CHD9: variants seen among roughly 807,000 people sequenced by gnomAD.
The protein encoded by CHD9 is ATP-dependent chromatin remodeler CHD9.
CHD9 carries 77 observed loss-of-function variants against 316.1 expected under a neutral mutation model. That is an observed-to-expected ratio of 0.24 (90% confidence interval 0.20 to 0.29). The LOEUF is 0.29. Ranked by LOEUF, CHD9 falls within the 10% of genes least tolerant of loss-of-function variation. The probability of loss-of-function intolerance (pLI) is 1.00; values close to 1 mark genes in which losing one functional copy is unlikely to be tolerated. For synonymous variants in CHD9, 1,129 were observed against 1,158.3 expected, an observed-to-expected ratio of 0.97 and a Z score of 0.51; for missense variants, 2,763 against 3,438.1, an observed-to-expected ratio of 0.80 and a Z score of 4.91.
chr16:53,198,931 TAA>T (rs1183570508), intron 2 of CHD9, among the ~76,000 whole-genome samples: 3 of 152,300 alleles, frequency 2.0e-5, no homozygotes, highest in South Asian at 2.1e-4. Context: ...CATTATTTTA[TAA>T]GTCTTATAAA....
At chr16:53,109,706 A>ATTTT (rs2037697137) in intron 1 of CHD9, among the ~76,000 whole-genome samples, 1 of 22,228 alleles carries the variant, frequency 4.5e-5, no homozygotes, top group Non-Finnish European at 9.7e-5. Flanking sequence ...TTTTTTTGAG[A>ATTTT]TGGAGTCTCG....
chr16:53,131,154 G>A (rs1341351753), intron 1 of CHD9: 1 of 151,242 alleles, frequency 6.6e-6, no homozygotes, highest in Non-Finnish European at 1.5e-5. Context: ...CTCAACTGGT[G>A]GGGAGATGCG....
intron 16 of CHD9, among the ~76,000 whole-genome samples, chr16:53,248,634 T>C (rs920825720): frequency 4.1e-5 from 6 of 147,398 alleles, no homozygotes; most frequent in East Asian, 2.2e-4. Context: ...CAAGCAATCC[T>C]CCCACCTCAG....
chr16:53,268,105 C>T lies in CHD9; in HGVS notation c.4696C>T (p.Arg1566Ter), dbSNP rs1403065375. 2 of 1,609,204 alleles carry T rather than the reference C, an allele frequency of 1.2e-6. No individual in the cohort carries two copies. The highest frequency in any genetic ancestry group is 8.5e-7 in the Non-Finnish European group (1 of 1,177,310). The change falls in exon 22 of 39, where the codon CGA (arginine) becomes TGA (stop). Residue 1566 changes from arginine (R) to a stop codon, truncating the protein, a stop_gained. Coordinates refer to ENST00000447540, the MANE Select transcript of CHD9 (RefSeq NM_001308319.2). LOFTEE classifies it high-confidence loss of function. ...LITPTEDGQT[R>*]ELQNHLGLSA... ...TACTCCAACTGAAGATGGACAGACA[C>T]GAGAGCTACAGAATCATCTAGGTAA...
At chr16:53,144,257 A>G (rs1485573398) in intron 1 of CHD9, among the ~76,000 whole-genome samples, 1 of 152,180 alleles carries the variant, frequency 6.6e-6, no homozygotes, top group Non-Finnish European at 1.5e-5. Context: ...ATATGAATAT[A>G]GAAAATAACC....
At chr16:53,234,486 G>C (rs549078755) in intron 10 of CHD9, among the ~76,000 whole-genome samples, 108 of 152,262 alleles carry the variant, frequency 7.1e-4, no homozygotes, top group African/African-American at 2.5e-3. Context: ...TACTATAACA[G>C]TTTAAGGAAG....
intron 22 of CHD9, among the ~76,000 whole-genome samples, chr16:53,270,481 T>A (rs1252658933): frequency 6.6e-6 from 1 of 152,158 alleles, no homozygotes; most frequent in African/African-American, 2.4e-5. Flanking sequence ...CTAAATATCT[T>A]TTAGATATTG....
intron 3 of CHD9, among the ~76,000 whole-genome samples, chr16:53,211,505 G>A (rs1168392569): frequency 2.6e-5 from 4 of 152,182 alleles, no homozygotes; most frequent in African/African-American, 7.2e-5. Context: ...AAACAAAATC[G>A]ATAAGAATTG....
chr16:53,196,995 A>G (rs2044983170), intron 2 of CHD9, among the ~76,000 whole-genome samples: 1 of 152,220 alleles, frequency 6.6e-6, no homozygotes, highest in Non-Finnish European at 1.5e-5. Flanking sequence ...CTCTCCTCCC[A>G]GAATTTCAGA....
Position 53,204,048 on chromosome 16 carries a change from A to AAT in CHD9, c.1453-5424_1453-5423dup, listed in dbSNP as rs1555507904. The stretch of plus-strand genomic sequence containing the variant: ...CAAAAAAAAAAAAAAAAAAAAAAAA[A>AAT]ATATATATATACACACACACACACA... On this transcript the variant is annotated intron_variant, in intron 2 of 38. Coordinates refer to ENST00000447540, the MANE Select transcript of CHD9 (RefSeq NM_001308319.2). Among the ~76,000 whole-genome samples the AAT allele has an allele frequency of 6.2e-3, 483 of 77,298 alleles. 7 individuals carry two copies. The highest frequency in any genetic ancestry group is 0.015 in the African/African-American group (290 of 19,798). 50.7% of individuals were successfully genotyped at this position (77,298 alleles called of 152,430 possible).
chr16:53,102,842 C>A (rs558835555), intron 1 of CHD9, among the ~76,000 whole-genome samples: 92 of 152,046 alleles, frequency 6.1e-4, no homozygotes, highest in African/African-American at 2.1e-3. Flanking sequence ...AGAGTGAGAC[C>A]CTGTCTCTTT....
rs754553161 is a variant in CHD9 at position 53,157,510 on chromosome 16, A to G, written c.1421A>G (p.His474Arg). ...TCATTTTCTAATCATCAGCATTTAC[A>G]TGACAGAAATCACCTATGTTTACAG... ...HSSFSNHQHL[H>R]DRNHLCLQRQ... The change falls in exon 2 of 39, where the codon CAT becomes CGT. Residue 474 changes from histidine to arginine, a missense_variant. Transcript: ENST00000447540. 9 of 1,613,574 alleles carry G rather than the reference A, an allele frequency of 5.6e-6. No individual in the cohort carries two copies. The East Asian group carries it at 1.1e-4, about 20-fold the overall frequency.
intron 1 of CHD9, among the ~76,000 whole-genome samples, chr16:53,085,907 C>T (rs1220341312): frequency 6.6e-6 from 1 of 152,164 alleles, no homozygotes; most frequent in Non-Finnish European, 1.5e-5. Flanking sequence ...TAATTAAAAT[C>T]ACTGTTCTCA....
chr16:53,193,799 A>C (rs2044672652), intron 2 of CHD9, among the ~76,000 whole-genome samples: 1 of 152,184 alleles, frequency 6.6e-6, no homozygotes, highest in Non-Finnish European at 1.5e-5. Context: ...ACCCTGTTAG[A>C]TTAGATACTA....
chr16:53,323,146 G>A (rs2057381479), intron 38 of CHD9, among the ~76,000 whole-genome samples: 1 of 152,140 alleles, frequency 6.6e-6, no homozygotes, highest in African/African-American at 2.4e-5. Flanking sequence ...AAAATACACA[G>A]TGGTTTTGGA....
intron 1 of CHD9, among the ~76,000 whole-genome samples, chr16:53,092,685 A>T (rs938608936): frequency 6.6e-6 from 1 of 152,128 alleles, no homozygotes; most frequent in African/African-American, 2.4e-5. Flanking sequence ...CACTCTCCAC[A>T]CTTAGGAAGC....
intron 1 of CHD9, among the ~76,000 whole-genome samples, chr16:53,083,512 G>A (rs1371763405): frequency 6.6e-6 from 1 of 152,070 alleles, no homozygotes; most frequent in Non-Finnish European, 1.5e-5. Flanking sequence ...CCATTCCATT[G>A]TAAGGAAATT....
chr16:53,116,681 A>G (rs1323701919), intron 1 of CHD9, among the ~76,000 whole-genome samples: 2 of 152,212 alleles, frequency 1.3e-5, no homozygotes, highest in African/African-American at 4.8e-5. Flanking sequence ...CCTCAAAGAC[A>G]TAGAACCAGA....
intron 27 of CHD9, among the ~76,000 whole-genome samples, chr16:53,290,473 T>A (rs559683945): frequency 2.5e-4 from 34 of 134,288 alleles, no homozygotes. Context: ...TTAACTATTT[T>A]CTTAGAGCAG....
Sources: allele counts gnomAD v4.1 joint callset (sites outside exome capture counted in the v4.1 genomes callset), GRCh38; gene constraint gnomAD v4.1.1; transcripts MANE v1.5; gene names NCBI Gene and HGNC (gene_info 2026-07-23, HGNC 2026-07-21).